FBXO33: variants seen among roughly 807,000 people sequenced by gnomAD.
The protein encoded by FBXO33 is F-box only protein 33.
Under a neutral mutation model 46.3 loss-of-function variants are expected in FBXO33, and 22 were observed. That is an observed-to-expected ratio of 0.48 (90% confidence interval 0.34 to 0.68). The LOEUF (loss-of-function observed/expected upper bound fraction) is 0.68, where lower values mean the gene tolerates loss of function less well. Among genes scored for constraint, FBXO33 ranks in the 30% least tolerant of loss-of-function variants. The pLI is 0.01. For synonymous variants in FBXO33, 337 were observed against 291.3 expected (o/e 1.16, Z -1.60); for missense variants, 692 against 708.8 (o/e 0.98, Z 0.27).
intron 3 of FBXO33, among the ~76,000 whole-genome samples, chr14:39,400,276 C>T (rs941093365): frequency 6.6e-5 from 10 of 151,888 alleles, no homozygotes; most frequent in Non-Finnish European, 7.4e-5. Flanking sequence ...GTAGCAAATA[C>T]GTAAATTATA....
At chr14:39,407,369 T>C (rs1595983200) in intron 1 of FBXO33, among the ~76,000 whole-genome samples, 2 of 152,236 alleles carry the variant, frequency 1.3e-5, no homozygotes, top group Non-Finnish European at 1.5e-5. Flanking sequence ...ACAATCCTAA[T>C]AGGTACTATG....
intron 1 of FBXO33, among the ~76,000 whole-genome samples, chr14:39,404,396 G>A (rs1188347095): frequency 1.3e-5 from 2 of 152,070 alleles, no homozygotes; most frequent in Non-Finnish European, 2.9e-5. Context: ...GCACGATCTC[G>A]GTTCACTGCA....
Position 39,431,666 on chromosome 14 carries a change from C to T in FBXO33, c.497G>A (p.Gly166Glu), listed in dbSNP as rs781246414. 2 of 1,613,630 alleles carry T rather than the reference C, an allele frequency of 1.2e-6. No individual in the cohort carries two copies. Among genetic ancestry groups the T allele is most frequent in the Middle Eastern group, 1.6e-4 (1 of 6,062 alleles). ...DGGGADTGTGGEEVEALQLSA... is the reference protein window; with the variant it reads ...DGGGADTGTGEEEVEALQLSA... Reference sequence around the variant, plus strand: ...GAGCTGCAGGGCCTCGACTTCCTCCCCTCCAGTCCCGGTGTCCGCGCCACC... The same window carrying T: ...GAGCTGCAGGGCCTCGACTTCCTCCTCTCCAGTCCCGGTGTCCGCGCCACC... The change falls in exon 1 of 4, where the codon GGG becomes GAG. Residue 166 changes from glycine (G) to glutamate (E), a missense_variant. Transcript: ENST00000298097.
At chr14:39,425,124 T>C (rs565944451) in intron 1 of FBXO33, among the ~76,000 whole-genome samples, 47 of 152,348 alleles carry the variant, frequency 3.1e-4, no homozygotes, top group African/African-American at 1.1e-3. Context: ...AATTTCCTTA[T>C]GAATTAAACA....
rs1241729699 is a variant in FBXO33, at chr14:39,398,192, A to C, written c.*1324T>G. 6.6e-6 allele frequency: 1 copy of C among 152,666 alleles called. No individual in the cohort carries two copies. Among genetic ancestry groups the C allele is most frequent in the East Asian group, 1.9e-4 (1 of 5,202 alleles). The allele number at this position is 152,666 out of a possible 1,614,324, so 9.5% of individuals were successfully genotyped here. ...TTGGCTACTTACTTTATTATTGCAG[A>C]CTGTCCTTTAACATTAAATGCACAA... On this transcript the variant is annotated 3_prime_UTR_variant, in exon 4 of 4. Coordinates refer to ENST00000298097, the MANE Select transcript of FBXO33 (RefSeq NM_203301.4).
At chr14:39,400,124 T>C (rs1440994521) in intron 3 of FBXO33, among the ~76,000 whole-genome samples, 1 of 152,204 alleles carries the variant, frequency 6.6e-6, no homozygotes, top group Non-Finnish European at 1.5e-5. Context: ...AGATGTACCA[T>C]AAGGATGAAA....
At chr14:39,419,667 T>A (rs563832668) in intron 1 of FBXO33, among the ~76,000 whole-genome samples, 1 of 152,370 alleles carries the variant, frequency 6.6e-6, no homozygotes, top group Admixed American at 6.5e-5. Flanking sequence ...ATTCATTTAT[T>A]TATTGTTGAA....
intron 1 of FBXO33, among the ~76,000 whole-genome samples, chr14:39,422,529 A>G (rs2075490183): frequency 6.6e-6 from 1 of 152,228 alleles, no homozygotes; most frequent in Admixed American, 6.5e-5. Context: ...AAGTCCTTAC[A>G]AGAGCCTCAC....
chr14:39,415,991 A>G lies in FBXO33; in HGVS notation c.600-13480T>C, dbSNP rs2075446832. On this transcript the variant is annotated intron_variant, in intron 1 of 3. Transcript: ENST00000298097. ...CTAATACCATTGGCTTTTAACATTT[A>G]TATCAGAGTTACAGTGATTTATTAA... is the stretch of plus-strand genomic sequence containing the variant. Among the ~76,000 whole-genome samples, 3 of 152,204 alleles carry G rather than the reference A, an allele frequency of 2.0e-5. No individual in the cohort carries two copies. In the South Asian group the frequency reaches 6.2e-4, roughly 31 times the overall value.
chr14:39,430,087 C>T (rs1277455744), intron 1 of FBXO33, among the ~76,000 whole-genome samples: 1 of 152,212 alleles, frequency 6.6e-6, no homozygotes, highest in Non-Finnish European at 1.5e-5. Flanking sequence ...AATTCACCCT[C>T]AACCTTGGTC....
chr14:39,404,846 A>G (rs138252424), intron 1 of FBXO33, among the ~76,000 whole-genome samples: 1 of 152,150 alleles, frequency 6.6e-6, no homozygotes, highest in African/African-American at 2.4e-5. Context: ...GCTGCTCAAC[A>G]ATCATTTTAA....
At position 39,432,146 on chromosome 14, in the gene FBXO33, GAC is replaced by G. The variant is rs770393787; in HGVS notation, c.15_16del (p.Leu5PhefsTer95). 1.3e-5 allele frequency: 16 copies of G among 1,237,596 alleles called. No individual in the cohort carries two copies. The South Asian group carries it at 3.5e-4, about 27-fold the overall frequency. The allele number at this position is 1,237,596 out of a possible 1,614,324, so 76.7% of individuals were successfully genotyped here. ...TCCCGGCGGTCGGGGCTGCGGCACT[GAC>G]AAGAACAACAACATCAATGACTAGG... On this transcript the variant is annotated frameshift_variant, in exon 1 of 4. Coordinates refer to ENST00000298097, the MANE Select transcript of FBXO33 (RefSeq NM_203301.4). LOFTEE classifies it high-confidence loss of function.
chr14:39,403,829 TCTCA>T (rs1382789672), intron 1 of FBXO33, among the ~76,000 whole-genome samples: 3 of 150,094 alleles, frequency 2.0e-5, no homozygotes, highest in African/African-American at 7.4e-5. Context: ...GGACACAGTG[TCTCA>T]CTCTGTTGTT....
intron 1 of FBXO33, among the ~76,000 whole-genome samples, chr14:39,431,021 T>C (rs2139424748): frequency 6.6e-6 from 1 of 152,272 alleles, no homozygotes; most frequent in South Asian, 2.1e-4. Flanking sequence ...CCAATCCCTT[T>C]AACAAACACT....
intron 1 of FBXO33, among the ~76,000 whole-genome samples, chr14:39,429,703 A>G: frequency 6.6e-6 from 1 of 152,228 alleles, no homozygotes; most frequent in East Asian, 1.9e-4. Flanking sequence ...CACCATGCTA[A>G]TAGTAGATGA....
intron 1 of FBXO33, among the ~76,000 whole-genome samples, chr14:39,403,889 C>T (rs558343067): frequency 6.6e-6 from 1 of 151,582 alleles, no homozygotes; most frequent in African/African-American, 2.4e-5. Context: ...GCAGCCTCAA[C>T]CTCCTGGGCT....
intron 1 of FBXO33, among the ~76,000 whole-genome samples, chr14:39,424,860 C>G (rs1482236069): frequency 1.3e-5 from 2 of 152,114 alleles, no homozygotes; most frequent in African/African-American, 4.8e-5. Context: ...TGAGACCATC[C>G]TGGCCAATAT....
At chr14:39,407,745 G>A (rs1283135242) in intron 1 of FBXO33, among the ~76,000 whole-genome samples, 1 of 152,102 alleles carries the variant, frequency 6.6e-6, no homozygotes, top group Non-Finnish European at 1.5e-5. Flanking sequence ...GTGAATAATG[G>A]TGCAGTGAAC....
At chr14:39,420,557 G>T (rs557873644) in intron 1 of FBXO33, among the ~76,000 whole-genome samples, 2 of 152,202 alleles carry the variant, frequency 1.3e-5, no homozygotes, top group Non-Finnish European at 2.9e-5. Flanking sequence ...CGTGGTGGTG[G>T]GCACCTGTAT....
Sources: allele counts gnomAD v4.1 joint callset (sites outside exome capture counted in the v4.1 genomes callset), GRCh38; gene constraint gnomAD v4.1.1; transcripts MANE v1.5; gene names NCBI Gene and HGNC (gene_info 2026-07-23, HGNC 2026-07-21).